The following DEAF1 variants were observed in gnomAD, a reference collection of about 807,000 sequenced individuals.
DEAF1 encodes deformed epidermal autoregulatory factor 1 homolog.
In DEAF1, 53 loss-of-function variants were observed where a neutral mutation model predicts 58.9. The observed-to-expected ratio is 0.90, with a 90% confidence interval of 0.72 to 1.13. DEAF1 has a LOEUF of 1.13. Among genes scored for constraint, DEAF1 ranks in the 50% most tolerant of loss-of-function variants. DEAF1 has a pLI of 0.00. For missense variants in DEAF1, 685 were observed against 791.4 expected, an observed-to-expected ratio of 0.87 and a Z score of 1.61; for synonymous variants, 385 against 340.4, an observed-to-expected ratio of 1.13 and a Z score of -1.44.
At chr11:679,237 C>A (rs1475645112) in intron 8 of DEAF1, among the ~76,000 whole-genome samples, 1 of 151,852 alleles carries the variant, frequency 6.6e-6, no homozygotes, top group Non-Finnish European at 1.5e-5. Context: ...ACGGTGTGAA[C>A]CCGGGAGGCG....
intron 10 of DEAF1, among the ~76,000 whole-genome samples, chr11:670,081 G>A (rs1202025762): frequency 4.8e-5 from 7 of 146,586 alleles, no homozygotes; most frequent in African/African-American, 2.5e-5. Flanking sequence ...AAAGAGAAAA[G>A]AAAAAAAAAA....
rs1860188226 is a variant in DEAF1 at position 678,629 on chromosome 11, A to G, written c.1255+65T>C. ...AAAATGAATCCCATTTCACTTAGGA[A>G]TTCTTTCATTGGAAGCAATTCTGAG... On this transcript the variant is annotated intron_variant, in intron 9 of 11. Transcript: ENST00000382409. 3 of 1,609,580 alleles carry G rather than the reference A, an allele frequency of 1.9e-6. No individual in the cohort carries two copies. The African/African-American group carries it at 4.0e-5, about 22-fold the overall frequency.
chr11:673,729 C>CGCCCT (rs1554941217), intron 10 of DEAF1, among the ~76,000 whole-genome samples: 1 of 152,134 alleles, frequency 6.6e-6, no homozygotes, highest in Non-Finnish European at 1.5e-5. Flanking sequence ...AGCAGACAGG[C>CGCCCT]GCCCTCCTCT....
At chr11:650,004 G>A (rs927084865) in intron 11 of DEAF1, among the ~76,000 whole-genome samples, 4 of 151,804 alleles carry the variant, frequency 2.6e-5, no homozygotes, top group South Asian at 2.1e-4. Flanking sequence ...CCAGCCTGGC[G>A]ACAGAGTGAG....
At chr11:674,902 T>C in intron 9 of DEAF1, 119 bp from the exon 10 acceptor site, 2 of 1,392,674 alleles carry the variant, frequency 1.4e-6, no homozygotes, top group Non-Finnish European at 2.0e-6. Flanking sequence ...CCCAGCACTT[T>C]GGGAGGCCAA....
At chr11:674,228 G>A in intron 10 of DEAF1, 2 of 396,456 alleles carry the variant, frequency 5.0e-6, no homozygotes, top group Non-Finnish European at 9.6e-6. Context: ...TTTCACTACA[G>A]GAAGACAAAG....
rs576075473 is a variant in DEAF1, at chr11:688,674, G to A, written c.388-214C>T. On this transcript the variant is annotated intron_variant, in intron 2 of 11. Transcript: ENST00000382409. The surrounding 1 kb of genome is among the most constrained non-coding windows in gnomAD (Gnocchi z 4.3). ...CAGACAATGCCGAAGTCTGTGTGGT[G>A]CTGAGGAAAATGCTTGCCATCATTT... Among the ~76,000 whole-genome samples the A allele has an allele frequency of 1.3e-4, 20 of 152,280 alleles. No individual in the cohort carries two copies. The highest frequency in any genetic ancestry group is 2.4e-4 in the Non-Finnish European group (16 of 68,012).
chr11:649,796 C>T (rs1292789073), intron 11 of DEAF1, among the ~76,000 whole-genome samples: 3 of 151,922 alleles, frequency 2.0e-5, no homozygotes, highest in Non-Finnish European at 4.4e-5. Context: ...GAGGCTGAGG[C>T]GAGTGGATCA....
chr11:663,672 C>G (rs1409997221), intron 10 of DEAF1, among the ~76,000 whole-genome samples: 1 of 151,236 alleles, frequency 6.6e-6, no homozygotes, highest in Non-Finnish European at 1.5e-5. Context: ...TTTCCTCCTC[C>G]AACTCCTCAG....
At chr11:699,778 A>C (rs1861359824), upstream of DEAF1, 1 of 196,022 alleles carries the variant, frequency 5.1e-6, no homozygotes, top group Non-Finnish European at 1.0e-5. Context: ...TGACAAAGTT[A>C]TTTTTTCTCT....
At chr11:692,890 C>T (rs138029716) in intron 1 of DEAF1, among the ~76,000 whole-genome samples, 8 of 152,046 alleles carry the variant, frequency 5.3e-5, no homozygotes, top group South Asian at 4.2e-4. Context: ...TCTGTCTCCA[C>T]GACCAGACCA....
chr11:685,463 C>T (rs1013692936), intron 5 of DEAF1, among the ~76,000 whole-genome samples: 4 of 151,494 alleles, frequency 2.6e-5, no homozygotes, highest in African/African-American at 9.7e-5. Context: ...GAGAGGCCGA[C>T]GCAGGCAGAC....
intron 10 of DEAF1, among the ~76,000 whole-genome samples, chr11:666,873 CAAAAAAAAAA>C: frequency 1.7e-5 from 1 of 60,260 alleles, no homozygotes; most frequent in East Asian, 5.0e-4. Flanking sequence ...ACTCTGTCTC[CAAAAAAAAAA>C]AAAAAAAAAA....
intron 10 of DEAF1, among the ~76,000 whole-genome samples, chr11:662,841 T>G (rs549122550): frequency 1.3e-4 from 20 of 152,170 alleles, no homozygotes; most frequent in Non-Finnish European, 2.2e-4. Flanking sequence ...CGTCTGCAAG[T>G]GCCCATGACT....
At chr11:664,153 C>T (rs1467499252) in intron 10 of DEAF1, among the ~76,000 whole-genome samples, 1 of 151,312 alleles carries the variant, frequency 6.6e-6, no homozygotes, top group African/African-American at 2.4e-5. Flanking sequence ...GCAGAGGTTG[C>T]GGTGAGCCGA....
chr11:658,385 C>T lies in DEAF1; in HGVS notation c.1504-4334G>A, dbSNP rs183971554. Among the ~76,000 whole-genome samples the T allele has an allele frequency of 3.4e-4, 52 of 152,282 alleles. 1 individual carries two copies. The East Asian group carries it at 9.1e-3, about 27-fold the overall frequency. The stretch of plus-strand genomic sequence containing the variant: ...TGGAGCTTGCAGTGAGCCGAGAACG[C>T]GCCACTGCACTCCAGCCTGGGTGAC... On this transcript the variant is annotated intron_variant, in intron 10 of 11. Coordinates refer to ENST00000382409, the MANE Select transcript of DEAF1 (RefSeq NM_021008.4).
intron 10 of DEAF1, among the ~76,000 whole-genome samples, chr11:662,407 G>A (rs6598004): frequency 0.21 from 32,661 of 152,162 alleles, 5,268 homozygotes; most frequent in African/African-American, 0.46. Flanking sequence ...CTGCAGTGGC[G>A]TGGGATCAGG....
At chr11:684,841 A>G in intron 6 of DEAF1, 57 bp downstream of exon 6, 1 of 1,471,056 alleles carries the variant, frequency 6.8e-7, no homozygotes, top group East Asian at 2.5e-5. Context: ...TGTGGGACCC[A>G]CTCAGCCGCC....
chr11:694,887 G>A lies in DEAF1; in HGVS notation c.161C>T (p.Ser54Leu). 1 of 1,500,326 alleles carries A rather than the reference G, an allele frequency of 6.7e-7. No homozygotes were observed. 92.9% of individuals were successfully genotyped at this position (1,500,326 alleles called of 1,614,324 possible). A position where few individuals can be genotyped will look rare whatever the true frequency, so the allele number is the denominator to read the frequency against. Residue 54 changes from serine (S) to leucine (L), a missense_variant, in exon 1 of 12, where the codon TCG becomes TTG. By Grantham distance (145) the Ser-to-Leu change is moderately radical. Transcript: ENST00000382409. ...RDEDSEEDAD[S>L]EAERETPRVT... Reference sequence around the variant, plus strand: ...CCGCGGCGTCTCCCGCTCCGCCTCCGAGTCTGCGTCCTCCTCCGAGTCCTC... The same window carrying A: ...CCGCGGCGTCTCCCGCTCCGCCTCCAAGTCTGCGTCCTCCTCCGAGTCCTC...
Sources: allele counts gnomAD v4.1 joint callset (sites outside exome capture counted in the v4.1 genomes callset), GRCh38; gene constraint gnomAD v4.1.1; non-coding constraint Gnocchi (gnomAD v3.1); transcripts MANE v1.5; gene names NCBI Gene and HGNC (gene_info 2026-07-23, HGNC 2026-07-21).